MCPH1: variants seen among roughly 807,000 people sequenced by gnomAD.
MCPH1 encodes the protein microcephalin.
MCPH1 carries 104 observed loss-of-function variants against 84.5 expected under a neutral mutation model. The observed-to-expected ratio is 1.23, with a 90% CI of 1.05 to 1.45. The LOEUF is 1.45. Ranked by LOEUF, MCPH1 falls within the 40% of genes most tolerant of loss-of-function variation. The pLI is 0.00. For synonymous variants in MCPH1, 514 were observed against 366.8 expected (o/e 1.40, Z -4.58); for missense variants, 1,498 against 1,005.7 (o/e 1.49, Z -6.62).
At chr8:6,522,629 C>T (rs1474545619) in intron 12 of MCPH1, among the ~76,000 whole-genome samples, 1 of 151,718 alleles carries the variant, frequency 6.6e-6, no homozygotes, top group Non-Finnish European at 1.5e-5. Context: ...CAAAAATTAG[C>T]CAAGCGTGGG....
intron 12 of MCPH1, among the ~76,000 whole-genome samples, chr8:6,612,567 C>T (rs1830378410): frequency 6.6e-6 from 1 of 152,364 alleles, no homozygotes; most frequent in East Asian, 1.9e-4. Flanking sequence ...AGCCTCCACC[C>T]TGGGCTTCCT....
chr8:6,443,667 G>A (rs2979644), intron 7 of MCPH1, among the ~76,000 whole-genome samples: 2,242 of 152,326 alleles, frequency 0.015, 50 homozygotes, highest in African/African-American at 0.05. Context: ...GATGCATGAT[G>A]GTGTGTAGCA....
chr8:6,476,547 G>C (rs1380966816), intron 9 of MCPH1, among the ~76,000 whole-genome samples: 1 of 151,732 alleles, frequency 6.6e-6, no homozygotes, highest in East Asian at 1.9e-4. Context: ...TAATTGTTTT[G>C]AAACCAAAGT....
At position 6,494,666 on chromosome 8, in the gene MCPH1, T is replaced by A. The variant is rs1811046613; in HGVS notation, c.2137-5186T>A. 4 of 152,330 alleles carry A rather than the reference T, an allele frequency of 2.6e-5. No homozygotes were observed. The South Asian group carries it at 8.3e-4, about 32-fold the overall frequency. The allele number at this position is 152,330 out of a possible 1,614,324, so 9.4% of individuals were successfully genotyped here. ...GACACAAAAAGCACATGTTGTATAATTCCTTTCAGACAGTATATCCAGAAT... is the reference window on the plus strand; with the variant it reads ...GACACAAAAAGCACATGTTGTATAAATCCTTTCAGACAGTATATCCAGAAT... On this transcript the variant is annotated intron_variant, in intron 11 of 13. Coordinates refer to ENST00000344683, the MANE Select transcript of MCPH1 (RefSeq NM_024596.5).
intron 4 of MCPH1, among the ~76,000 whole-genome samples, chr8:6,431,978 A>C (rs1801908228): frequency 6.6e-6 from 1 of 152,256 alleles, no homozygotes. Flanking sequence ...AAAGTCATTT[A>C]TTAGGAAAAT....
chr8:6,604,936 A>G (rs892200706), intron 12 of MCPH1, among the ~76,000 whole-genome samples: 3 of 152,258 alleles, frequency 2.0e-5, no homozygotes, highest in African/African-American at 7.2e-5. Flanking sequence ...ATCAGAAGGA[A>G]CCACAGAATC....
At chr8:6,601,251 G>A (rs553237166) in intron 12 of MCPH1, among the ~76,000 whole-genome samples, 13 of 152,284 alleles carry the variant, frequency 8.5e-5, no homozygotes, top group African/African-American at 2.6e-4. Context: ...TGCATCTCTG[G>A]AAAACAGTTC....
chr8:6,577,863 G>A (rs531842918), intron 12 of MCPH1, among the ~76,000 whole-genome samples: 1 of 152,226 alleles, frequency 6.6e-6, no homozygotes, highest in South Asian at 2.1e-4. Flanking sequence ...GTGATCCAGA[G>A]CTGAATTAAT....
chr8:6,623,410 C>T lies in MCPH1; in HGVS notation c.2452+1719C>T, dbSNP rs116749182. Reference sequence around the variant, plus strand: ...TTTTTCTCTCTCTTTGCTTCCATCTCCTTCCATGTTTCCTATTCAGTCTCC... The same window carrying T: ...TTTTTCTCTCTCTTTGCTTCCATCTTCTTCCATGTTTCCTATTCAGTCTCC... On this transcript the variant is annotated intron_variant, in intron 13 of 13. Transcript: ENST00000344683. 5.0e-3 allele frequency among the ~76,000 whole-genome samples: 765 copies of T among 152,084 alleles called. 6 individuals are homozygous for T. Among genetic ancestry groups the T allele is most frequent in the African/African-American group, 0.017 (710 of 41,470 alleles).
intron 12 of MCPH1, among the ~76,000 whole-genome samples, chr8:6,578,188 ACTGTAGTGG>A (rs762245830): frequency 2.8e-4 from 42 of 152,354 alleles, no homozygotes; most frequent in Admixed American, 2.0e-3. Flanking sequence ...AGCTCCAGCC[ACTGTAGTGG>A]CTCATGGGAG....
At chr8:6,556,940 TGCC>T (rs2129575433) in intron 12 of MCPH1, among the ~76,000 whole-genome samples, 1 of 152,290 alleles carries the variant, frequency 6.6e-6, no homozygotes, top group South Asian at 2.1e-4. Flanking sequence ...GAACCAACAC[TGCC>T]TGGACATGTG....
rs1006717013 is a variant in MCPH1 at position 6,569,113 on chromosome 8, T to C, written c.2215-52341T>C. On this transcript the variant is annotated intron_variant, in intron 12 of 13. Transcript: ENST00000344683. ...ATGTTCAGTATACAGGGAAAACCATTAGAAGGTTAGCTGCACATAAAACTG... is the reference window on the plus strand; with the variant it reads ...ATGTTCAGTATACAGGGAAAACCATCAGAAGGTTAGCTGCACATAAAACTG... Among the ~76,000 whole-genome samples, 15 of 152,310 alleles carry C rather than the reference T, an allele frequency of 9.8e-5. No individual in the cohort carries two copies. In the East Asian group the frequency reaches 2.9e-3, roughly 29 times the overall value.
chr8:6,618,232 G>C (rs1460704729), intron 12 of MCPH1, among the ~76,000 whole-genome samples: 1 of 145,004 alleles, frequency 6.9e-6, no homozygotes. Flanking sequence ...AGAGCCAGTG[G>C]TGATACAATG....
intron 12 of MCPH1, chr8:6,513,766 G>A: frequency 6.2e-7 from 1 of 1,613,956 alleles, no homozygotes; most frequent in South Asian, 1.1e-5. Flanking sequence ...TGTATTTTAA[G>A]CACATAGCGT....
chr8:6,597,725 G>C (rs1427082265), intron 12 of MCPH1, among the ~76,000 whole-genome samples: 1 of 152,136 alleles, frequency 6.6e-6, no homozygotes, highest in Non-Finnish European at 1.5e-5. Context: ...TCCTTCAACA[G>C]AGTCCTGCTT....
At chr8:6,559,098 C>T (rs1825103291) in intron 12 of MCPH1, among the ~76,000 whole-genome samples, 1 of 152,126 alleles carries the variant, frequency 6.6e-6, no homozygotes, top group African/African-American at 2.4e-5. Context: ...TTGTCCTCCG[C>T]AGGAGGACCA....
At chr8:6,422,947 C>G (rs1449447787) in intron 3 of MCPH1, among the ~76,000 whole-genome samples, 2 of 151,570 alleles carry the variant, frequency 1.3e-5, no homozygotes, top group Admixed American at 6.6e-5. Flanking sequence ...CTCGGTCTCC[C>G]AAAGTGCTAG....
chr8:6,555,641 T>C (rs1343393862), intron 12 of MCPH1, among the ~76,000 whole-genome samples: 2 of 152,094 alleles, frequency 1.3e-5, no homozygotes, highest in South Asian at 4.1e-4. Context: ...TTTATATTTT[T>C]TGGTAGAGAC....
At chr8:6,473,663 T>A (rs1808059407) in intron 9 of MCPH1, among the ~76,000 whole-genome samples, 1 of 152,334 alleles carries the variant, frequency 6.6e-6, no homozygotes, top group East Asian at 1.9e-4. Flanking sequence ...ATATTTGTTG[T>A]ATTTCATATG....
Sources: allele counts gnomAD v4.1 joint callset (sites outside exome capture counted in the v4.1 genomes callset), GRCh38; gene constraint gnomAD v4.1.1; transcripts MANE v1.5; gene names NCBI Gene and HGNC (gene_info 2026-07-23, HGNC 2026-07-21).